LIN54: variants seen among roughly 807,000 people sequenced by gnomAD.
LIN54 encodes the protein lin-54 DREAM MuvB core complex component, also known as protein lin-54 homolog.
A neutral mutation model predicts 78.7 loss-of-function variants in LIN54; 9 were observed. The observed-to-expected ratio is 0.11, with a 90% confidence interval of 0.07 to 0.20. The LOEUF is 0.20. Ranked by LOEUF, LIN54 falls within the 10% of genes least tolerant of loss-of-function variation. The pLI, the probability that LIN54 is intolerant of heterozygous loss-of-function variation, is 1.00. For synonymous variants in LIN54, 269 were observed against 318.4 expected, an observed-to-expected ratio of 0.84 and a Z score of 1.65; for missense variants, 573 against 889.9, an observed-to-expected ratio of 0.64 and a Z score of 4.53.
At chr4:82,986,813 T>C (rs533477763) in intron 1 of LIN54, among the ~76,000 whole-genome samples, 53 of 148,718 alleles carry the variant, frequency 3.6e-4, no homozygotes, top group Middle Eastern at 3.4e-3. Flanking sequence ...AAATAAACCA[T>C]CATTATTGAG....
chr4:82,959,733 T>C (rs1724637343), intron 4 of LIN54, among the ~76,000 whole-genome samples: 1 of 152,184 alleles, frequency 6.6e-6, no homozygotes, highest in African/African-American at 2.4e-5. Flanking sequence ...TACATGTAGC[T>C]AGAGTAAGAA....
At chr4:83,012,130 G>A (rs1729887154), upstream of LIN54, 1 of 619,708 alleles carries the variant, frequency 1.6e-6, no homozygotes, top group Admixed American at 6.3e-5. Context: ...GATGCTGAGA[G>A]TATAAAGTGT....
chr4:82,990,395 G>A (rs909765628), intron 1 of LIN54, among the ~76,000 whole-genome samples: 8 of 152,136 alleles, frequency 5.3e-5, no homozygotes, highest in African/African-American at 1.7e-4. Context: ...CCCAAGTCCC[G>A]CAGGGAAGAC....
At chr4:82,936,599 A>G (rs751798539) in intron 9 of LIN54, among the ~76,000 whole-genome samples, 4 of 152,222 alleles carry the variant, frequency 2.6e-5, no homozygotes, top group Non-Finnish European at 5.9e-5. Flanking sequence ...AATGTGGCCT[A>G]AAAACTTAGT....
In LIN54 at chr4:82,936,392, A is replaced by G. The variant is rs767364310; in HGVS notation, c.1605-11T>C. ...AAGCAATCACAATACCTGAAAGGTA[A>G]AAGTCAGTATAAGGTAAAAAGTCAT... On this transcript the variant is annotated splice_polypyrimidine_tract_variant and intron_variant, in intron 9 of 12. Coordinates refer to ENST00000340417, the MANE Select transcript of LIN54 (RefSeq NM_194282.4). The G allele has an allele frequency of 2.1e-6, 3 of 1,449,452 alleles. No homozygotes were observed. The highest frequency in any genetic ancestry group is 2.4e-5 in the South Asian group (2 of 82,030). The allele number at this position is 1,449,452 out of a possible 1,614,324, so 89.8% of individuals were successfully genotyped here. A position where few individuals can be genotyped will look rare whatever the true frequency, so the allele number is the denominator to read the frequency against.
At chr4:82,953,108 A>C (rs144795051) in intron 4 of LIN54, among the ~76,000 whole-genome samples, 1 of 152,132 alleles carries the variant, frequency 6.6e-6, no homozygotes, top group Non-Finnish European at 1.5e-5. Flanking sequence ...CTCCCATCTC[A>C]GCCTCCTGTA....
chr4:82,987,755 C>T (rs535832679), intron 1 of LIN54, among the ~76,000 whole-genome samples: 28 of 152,172 alleles, frequency 1.8e-4, no homozygotes, highest in Non-Finnish European at 3.8e-4. Context: ...GTATAAGTGC[C>T]AAATTTTATT....
At chr4:82,958,838 G>C (rs915009869) in intron 4 of LIN54, among the ~76,000 whole-genome samples, 1 of 151,964 alleles carries the variant, frequency 6.6e-6, no homozygotes, top group Non-Finnish European at 1.5e-5. Context: ...AAGTAGCTGG[G>C]ATAACAAGCG....
chr4:82,958,226 G>C (rs543599906), intron 4 of LIN54, among the ~76,000 whole-genome samples: 1 of 152,168 alleles, frequency 6.6e-6, no homozygotes, highest in Non-Finnish European at 1.5e-5. Flanking sequence ...CTGTGTTTAC[G>C]TAGCATTATT....
intron 1 of LIN54, among the ~76,000 whole-genome samples, chr4:82,994,562 T>C (rs571605191): frequency 6.6e-6 from 1 of 152,090 alleles, no homozygotes; most frequent in African/African-American, 2.4e-5. Flanking sequence ...CACGCCCAGT[T>C]AATTTTTTTG....
chr4:83,005,436 C>T (rs1450724851), intron 1 of LIN54, among the ~76,000 whole-genome samples: 2 of 151,908 alleles, frequency 1.3e-5, no homozygotes, highest in African/African-American at 2.4e-5. Context: ...CCAGGAGTTC[C>T]GGAACAGCCT....
At chr4:82,999,345 T>C (rs977827505) in intron 1 of LIN54, among the ~76,000 whole-genome samples, 1 of 152,158 alleles carries the variant, frequency 6.6e-6, no homozygotes, top group Non-Finnish European at 1.5e-5. Context: ...CATTTCAAGA[T>C]AAATGAATCC....
At chr4:82,967,581 C>T (rs1222187179) in intron 4 of LIN54, among the ~76,000 whole-genome samples, 2 of 152,156 alleles carry the variant, frequency 1.3e-5, no homozygotes, top group Non-Finnish European at 2.9e-5. Flanking sequence ...AGTAAAGGTA[C>T]TCAGGAGTGC....
In LIN54 at chr4:82,931,079, T is replaced by C; in HGVS notation, c.1912A>G (p.Arg638Gly). Reference protein sequence around the residue: ...GCKNFEESPERKTLMHLADAA... With the variant: ...GCKNFEESPEGKTLMHLADAA... ...TCTGCCAAATGCATCAATGTCTTCC[T>C]TTCCGGGCTTTCTTCAAAATTCTTA... The change falls in exon 12 of 13, where the codon AGG becomes GGG. Residue 638 changes from arginine (R) to glycine (G), a missense_variant. By Grantham distance (125) the Arg-to-Gly change is moderately radical. This residue lies in a region of LIN54 where 82 missense variants were observed against 140.8 expected (regional missense o/e 0.58). Transcript: ENST00000340417. 6.2e-7 allele frequency: 1 copy of C among 1,614,220 alleles called. No homozygotes were observed. The highest frequency in any genetic ancestry group is 8.5e-7 in the Non-Finnish European group (1 of 1,180,024).
intron 4 of LIN54, among the ~76,000 whole-genome samples, chr4:82,958,159 A>G (rs1220304765): frequency 2.0e-5 from 3 of 152,242 alleles, no homozygotes; most frequent in Admixed American, 6.5e-5. Context: ...CTTTGTAACA[A>G]GAAGCCTTCA....
chr4:82,931,237 T>C, intron 11 of LIN54, 92 bp from the exon 12 acceptor site: 1 of 877,468 alleles, frequency 1.1e-6, no homozygotes, highest in East Asian at 2.5e-5. Context: ...CTAATAGCAT[T>C]ACCTGGTCAA....
At chr4:82,932,364 G>A (rs1722034922) in intron 11 of LIN54, among the ~76,000 whole-genome samples, 1 of 150,784 alleles carries the variant, frequency 6.6e-6, no homozygotes, top group Non-Finnish European at 1.5e-5. Context: ...CCAAAGTGCT[G>A]GGATTACAGA....
chr4:82,961,724 G>A (rs986303708), intron 4 of LIN54, among the ~76,000 whole-genome samples: 13 of 152,102 alleles, frequency 8.5e-5, no homozygotes, highest in African/African-American at 1.2e-4. Flanking sequence ...AGGCTGAAGC[G>A]GGCGGATCAC....
chr4:82,990,725 C>T (rs1362941034), intron 1 of LIN54, among the ~76,000 whole-genome samples: 4 of 151,966 alleles, frequency 2.6e-5, no homozygotes, highest in Admixed American at 2.6e-4. Flanking sequence ...CCTCGTGATC[C>T]GCCCGCCTCC....
Sources: allele counts gnomAD v4.1 joint callset (sites outside exome capture counted in the v4.1 genomes callset), GRCh38; gene constraint gnomAD v4.1.1; regional missense constraint gnomAD v4.1.1; transcripts MANE v1.5; gene names NCBI Gene and HGNC (gene_info 2026-07-23, HGNC 2026-07-21).